REPS1: variants seen among roughly 807,000 people sequenced by gnomAD.
The protein encoded by REPS1 is ralBP1-associated Eps domain-containing protein 1.
REPS1 carries 39 observed loss-of-function variants against 100.9 expected under a neutral mutation model. The observed-to-expected ratio is 0.39, with a 90% CI of 0.30 to 0.50. The LOEUF is 0.50. REPS1 is among the 20% of genes least tolerant of loss of function. REPS1 has a pLI of 0.86. For missense variants in REPS1, 821 were observed against 968.5 expected, an observed-to-expected ratio of 0.85 and a Z score of 2.02; for synonymous variants, 324 against 340.3, an observed-to-expected ratio of 0.95 and a Z score of 0.53.
chr6:138,946,419 T>C (rs1031818847), intron 2 of REPS1, among the ~76,000 whole-genome samples: 1 of 152,104 alleles, frequency 6.6e-6, no homozygotes, highest in African/African-American at 2.4e-5. Context: ...CCAGAAAAAA[T>C]ACAGCTACAA....
intron 1 of REPS1, among the ~76,000 whole-genome samples, chr6:138,979,114 G>C (rs1178626833): frequency 6.8e-6 from 1 of 147,852 alleles, no homozygotes; most frequent in Non-Finnish European, 1.5e-5. Context: ...CCGGGAGGCG[G>C]AGGTTGCAGT....
intron 8 of REPS1, 118 bp downstream of exon 8, chr6:138,941,217 C>A: frequency 9.3e-7 from 1 of 1,080,006 alleles, no homozygotes; most frequent in Non-Finnish European, 1.4e-6. Flanking sequence ...TCTATGTACA[C>A]TTGATGAAAT....
intron 1 of REPS1, among the ~76,000 whole-genome samples, chr6:138,956,503 A>G (rs768819788): frequency 2.6e-5 from 4 of 152,040 alleles, no homozygotes; most frequent in Admixed American, 1.3e-4. Flanking sequence ...TGGCATACCT[A>G]AAAGAATGAA....
chr6:138,939,268 T>C (rs1404350052), intron 8 of REPS1, among the ~76,000 whole-genome samples: 1 of 149,018 alleles, frequency 6.7e-6, no homozygotes, highest in Non-Finnish European at 1.5e-5. Context: ...GAAAACCATA[T>C]GCTGTGAGGG....
chr6:138,911,524 C>G (rs971509520), intron 16 of REPS1, among the ~76,000 whole-genome samples, 153 bp from the exon 17 acceptor site: 5 of 152,184 alleles, frequency 3.3e-5, no homozygotes, highest in African/African-American at 1.2e-4. Context: ...ATTAAATGAG[C>G]CTTCTCTGCT....
intron 1 of REPS1, among the ~76,000 whole-genome samples, chr6:138,956,980 G>A (rs1406455376): frequency 6.6e-6 from 1 of 151,082 alleles, no homozygotes; most frequent in Non-Finnish European, 1.5e-5. Flanking sequence ...AACACTAGAA[G>A]ATAAAATAGA....
At chr6:138,914,980 A>G in intron 14 of REPS1, 1 of 521,754 alleles carries the variant, frequency 1.9e-6, no homozygotes. Flanking sequence ...CCTCTATTAC[A>G]TGAAGCCCTC....
At chr6:138,986,451 G>A (rs1422841756) in intron 1 of REPS1, among the ~76,000 whole-genome samples, 1 of 152,172 alleles carries the variant, frequency 6.6e-6, no homozygotes, top group African/African-American at 2.4e-5. Context: ...TTCATTCTGT[G>A]GATGAACATA....
At chr6:138,979,384 T>C (rs1353589143) in intron 1 of REPS1, among the ~76,000 whole-genome samples, 2 of 152,116 alleles carry the variant, frequency 1.3e-5, no homozygotes, top group African/African-American at 4.8e-5. Context: ...CTTTATATCC[T>C]CATACATCTC....
At position 138,957,549 on chromosome 6, in the gene REPS1, G is replaced by A. The variant is rs143064412; in HGVS notation, c.154-9636C>T. On this transcript the variant is annotated intron_variant, in intron 1 of 19. Transcript: ENST00000450536. ...ATTGAAGGATGTCATTCAGCAAAGT[G>A]TGAAGACACAGCTTCCAGGAAAAAG... is the stretch of plus-strand genomic sequence containing the variant. Among the ~76,000 whole-genome samples, 3 of 152,288 alleles carry A rather than the reference G, an allele frequency of 2.0e-5. No homozygotes were observed. In the East Asian group the frequency reaches 5.8e-4, roughly 29 times the overall value.
chr6:138,944,165 GAT>G, intron 5 of REPS1, 150 bp from the exon 6 acceptor site: 1 of 735,522 alleles, frequency 1.4e-6, no homozygotes, highest in Non-Finnish European at 2.2e-6. Flanking sequence ...CAGATTATTG[GAT>G]ATGTTTTTGC....
intron 1 of REPS1, among the ~76,000 whole-genome samples, chr6:138,970,145 A>G (rs897633919): frequency 1.1e-4 from 16 of 152,152 alleles, no homozygotes; most frequent in African/African-American, 2.9e-4. Flanking sequence ...GGAGGCCACT[A>G]TAGTAGTTCA....
intron 8 of REPS1, among the ~76,000 whole-genome samples, chr6:138,935,861 G>GA (rs1303714230): frequency 8.5e-6 from 1 of 117,404 alleles, no homozygotes; most frequent in African/African-American, 3.3e-5. Context: ...CTTGGCGGGG[G>GA]GGGGGGGCGC....
At chr6:138,950,773 A>G (rs947953576) in intron 1 of REPS1, among the ~76,000 whole-genome samples, 14 of 152,208 alleles carry the variant, frequency 9.2e-5, no homozygotes, top group Admixed American at 3.3e-4. Flanking sequence ...TGTCAGAATA[A>G]ACTGAGATTT....
intron 9 of REPS1, chr6:138,929,575 C>T (rs1251837063): frequency 6.5e-6 from 1 of 154,310 alleles, no homozygotes; most frequent in Non-Finnish European, 1.4e-5. Context: ...CCCAAATGTA[C>T]TATTACATAC....
At chr6:138,974,463 G>A (rs1483052288) in intron 1 of REPS1, among the ~76,000 whole-genome samples, 1 of 152,198 alleles carries the variant, frequency 6.6e-6, no homozygotes, top group Non-Finnish European at 1.5e-5. Flanking sequence ...ATGACTATGT[G>A]TCCAGGTGTT....
rs761007790 is a variant in REPS1, at chr6:138,944,517, A to T, written c.734T>A (p.Met245Lys). ...DTPPTSTLLTMHPASVQDQTT... is the reference protein window; with the variant it reads ...DTPPTSTLLTKHPASVQDQTT... ...TCACACCTGGACAGAAGCAGGATGC[A>T]TGGTTAAAAGAGTACTGGTTGGTGG... The change falls in exon 5 of 20, where the codon ATG becomes AAG. Residue 245 changes from methionine to lysine, a missense_variant. Physicochemically the swap from Met to Lys is moderately conservative, Grantham distance 95 (BLOSUM62 -1). Coordinates refer to ENST00000450536, the MANE Select transcript of REPS1 (RefSeq NM_001286611.2). 6.2e-7 allele frequency: 1 copy of T among 1,613,968 alleles called. No homozygotes were observed. Among genetic ancestry groups the T allele is most frequent in the Admixed American group, 1.7e-5 (1 of 59,980 alleles).
rs370017119 is a variant in REPS1, at chr6:138,930,074, A to G, written c.1160T>C (p.Val387Ala). Residue 387 changes from valine (V) to alanine (A), a missense_variant, in exon 9 of 20, where the codon GTA becomes GCA. Coordinates refer to ENST00000450536, the MANE Select transcript of REPS1 (RefSeq NM_001286611.2). ...TTCAGCAGGAGAGCCTGAATAACCTACCTCACCTGGCTGATCCCCAACATC... is the reference window on the plus strand; with the variant it reads ...TTCAGCAGGAGAGCCTGAATAACCTGCCTCACCTGGCTGATCCCCAACATC... ...SADVGDQPGEVGYSGSPAEAP... is the reference protein window; with the variant it reads ...SADVGDQPGEAGYSGSPAEAP... 6.2e-7 allele frequency: 1 copy of G among 1,613,164 alleles called. No homozygotes were observed. The highest frequency in any genetic ancestry group is 8.5e-7 in the Non-Finnish European group (1 of 1,179,370).
intron 8 of REPS1, among the ~76,000 whole-genome samples, chr6:138,932,624 T>C (rs1781555513): frequency 6.6e-6 from 1 of 152,242 alleles, no homozygotes; most frequent in African/African-American, 2.4e-5. Flanking sequence ...GCATTTCTGC[T>C]GCATATGTAA....
Sources: gnomAD v4.1 joint callset for allele counts (sites outside exome capture counted in the v4.1 genomes callset) on GRCh38, gnomAD v4.1.1 for gene constraint, MANE v1.5 for transcripts, NCBI Gene and HGNC (gene_info 2026-07-23, HGNC 2026-07-21) for gene names.